Variants in SPATA6 observed in about 807,000 individuals in gnomAD.
SPATA6 encodes spermatogenesis-associated protein 6.
Under a neutral mutation model 65.3 loss-of-function variants are expected in SPATA6, and 56 were observed. That is an observed-to-expected ratio of 0.86 (90% confidence interval 0.69 to 1.07). The LOEUF is 1.07. Ranked by LOEUF, SPATA6 falls within the 50% of genes least tolerant of loss-of-function variation. The pLI, the probability that SPATA6 is intolerant of heterozygous loss-of-function variation, is 0.00. For synonymous variants in SPATA6, 199 were observed against 213.2 expected (o/e 0.93, Z 0.58); for missense variants, 590 against 594.8 (o/e 0.99, Z 0.08).
intron 1 of SPATA6, among the ~76,000 whole-genome samples, chr1:48,456,432 T>A: frequency 6.6e-6 from 1 of 151,872 alleles, no homozygotes; most frequent in East Asian, 1.9e-4. Context: ...CCACATAATT[T>A]AAAAAGTCTA....
At chr1:48,270,455 G>A in the SPATA6 span, among the ~76,000 whole-genome samples, 726 of 152,106 alleles carry the variant, frequency 4.8e-3, 5 homozygotes, top group African/African-American at 0.017. Flanking sequence ...TTATCTAGTT[G>A]AGAGGCAGAG....
At chr1:48,379,968 A>G (rs572501583) in intron 9 of SPATA6, among the ~76,000 whole-genome samples, 167 of 152,374 alleles carry the variant, frequency 1.1e-3, no homozygotes, top group South Asian at 8.9e-3. Flanking sequence ...TAATAGATAC[A>G]TTAAGTAGCT....
chr1:48,411,388 G>A (rs1488085623), intron 5 of SPATA6, 76 bp downstream of exon 5: 8 of 1,431,358 alleles, frequency 5.6e-6, no homozygotes, highest in Non-Finnish European at 7.4e-6. Context: ...TCACATTTAA[G>A]ATGGCGAGCA....
intron 10 of SPATA6, among the ~76,000 whole-genome samples, chr1:48,356,368 G>C (rs998220696): frequency 1.9e-4 from 28 of 150,736 alleles, no homozygotes; most frequent in Admixed American, 1.7e-3. Flanking sequence ...CACTAGTATA[G>C]ATAAACGACT....
intron 9 of SPATA6, among the ~76,000 whole-genome samples, chr1:48,384,241 C>CA (rs1287645616): frequency 7.0e-6 from 1 of 142,178 alleles, no homozygotes; most frequent in African/African-American, 2.6e-5. Flanking sequence ...CAGGCTGAGG[C>CA]AGGAGAATCA....
chr1:48,315,250 T>C (rs1395076329), intron 11 of SPATA6, among the ~76,000 whole-genome samples: 1 of 152,082 alleles, frequency 6.6e-6, no homozygotes, highest in Non-Finnish European at 1.5e-5. Flanking sequence ...AAAGAGAATT[T>C]TAGACCAATA....
chr1:48,385,204 T>C (rs1401146053), intron 9 of SPATA6, 105 bp downstream of exon 9: 7 of 995,088 alleles, frequency 7.0e-6, no homozygotes, highest in Non-Finnish European at 9.6e-6. Context: ...CATTTTTTAC[T>C]AAATGAATTT....
chr1:48,427,736 G>C (rs1653974387), intron 3 of SPATA6, among the ~76,000 whole-genome samples: 2 of 152,062 alleles, frequency 1.3e-5, no homozygotes, highest in African/African-American at 2.4e-5. Flanking sequence ...TTTTAACTTA[G>C]AGGGTACATG....
At chr1:48,372,397 T>C (rs12095403) in intron 9 of SPATA6, among the ~76,000 whole-genome samples, 6,906 of 152,272 alleles carry the variant, frequency 0.045, 492 homozygotes, top group African/African-American at 0.16. Context: ...TTTGACTCCA[T>C]ATCTCACATC....
intron 11 of SPATA6, among the ~76,000 whole-genome samples, chr1:48,308,645 A>C (rs369680369): frequency 3.4e-4 from 51 of 152,216 alleles, no homozygotes; most frequent in African/African-American, 1.2e-3. Flanking sequence ...TCTGCTAGTG[A>C]TAAACTTGGT....
chr1:48,329,427 A>T (rs1645851770), intron 11 of SPATA6, among the ~76,000 whole-genome samples: 1 of 152,260 alleles, frequency 6.6e-6, no homozygotes, highest in Non-Finnish European at 1.5e-5. Flanking sequence ...AAAGACTTGT[A>T]CCAGACAAGT....
chr1:48,314,217 C>T (rs558772546), intron 11 of SPATA6, among the ~76,000 whole-genome samples: 1 of 152,202 alleles, frequency 6.6e-6, no homozygotes, highest in African/African-American at 2.4e-5. Flanking sequence ...GAACTCTCCA[C>T]CCCGAATCAA....
intron 11 of SPATA6, among the ~76,000 whole-genome samples, chr1:48,328,967 T>G (rs1645841334): frequency 6.6e-6 from 1 of 152,166 alleles, no homozygotes. Flanking sequence ...CACAGAATGC[T>G]TCCCTCTATA....
intron 11 of SPATA6, among the ~76,000 whole-genome samples, chr1:48,324,118 C>CTATTAT (rs952161427): frequency 6.6e-6 from 1 of 151,548 alleles, no homozygotes; most frequent in African/African-American, 2.4e-5. Flanking sequence ...CCTATCTACT[C>CTATTAT]TATTATTATT....
At chr1:48,284,310 T>C in the SPATA6 span, among the ~76,000 whole-genome samples, 71 of 152,330 alleles carry the variant, frequency 4.7e-4, 1 homozygote, top group Non-Finnish European at 1.3e-4. Context: ...AAACTGGTTA[T>C]TCTAGTTAGC....
intron 3 of SPATA6, among the ~76,000 whole-genome samples, chr1:48,414,994 C>T (rs893459768): frequency 6.7e-6 from 1 of 149,200 alleles, no homozygotes; most frequent in Non-Finnish European, 1.5e-5. Flanking sequence ...GACAGAAATT[C>T]TAAAAAAAAA....
At chr1:48,343,186 T>A (rs1646267355) in intron 11 of SPATA6, among the ~76,000 whole-genome samples, 1 of 152,162 alleles carries the variant, frequency 6.6e-6, no homozygotes, top group Non-Finnish European at 1.5e-5. Flanking sequence ...CTCATCTATG[T>A]GGCCTACTAG....
the SPATA6 span, among the ~76,000 whole-genome samples, chr1:48,288,148 T>C: frequency 6.6e-6 from 1 of 152,230 alleles, no homozygotes; most frequent in Non-Finnish European, 1.5e-5. Flanking sequence ...CAGGGATAAA[T>C]ATCACTTGGT....
the SPATA6 span, among the ~76,000 whole-genome samples, chr1:48,272,145 T>C: frequency 2.6e-5 from 4 of 152,210 alleles, no homozygotes; most frequent in Non-Finnish European, 5.9e-5. Context: ...TCAATCAAGC[T>C]AATTAACATA....
Sources: allele counts gnomAD v4.1 joint callset (sites outside exome capture counted in the v4.1 genomes callset), GRCh38; gene constraint gnomAD v4.1.1; transcripts MANE v1.5; gene names NCBI Gene and HGNC (gene_info 2026-07-23, HGNC 2026-07-21).